Variants in LMF1 observed in about 807,000 individuals in gnomAD.
LMF1 encodes the protein transmembrane protein 112.
A neutral mutation model predicts 60.6 loss-of-function variants in LMF1; 68 were observed. The ratio of observed to expected loss-of-function variants is 1.12; its 90% CI spans 0.92 to 1.37. The LOEUF (loss-of-function observed/expected upper bound fraction) is 1.37, where lower values mean the gene tolerates loss of function less well. Among genes scored for constraint, LMF1 ranks in the 40% most tolerant of loss-of-function variants. LMF1 has a pLI of 0.00. For missense variants in LMF1, 948 were observed against 767.2 expected (o/e 1.24, Z -2.78); for synonymous variants, 418 against 324.7 (o/e 1.29, Z -3.09).
At chr16:865,058 T>C (rs2069574601) in intron 10 of LMF1, among the ~76,000 whole-genome samples, 1 of 152,250 alleles carries the variant, frequency 6.6e-6, no homozygotes, top group Non-Finnish European at 1.5e-5. Flanking sequence ...TGTAAGTGTT[T>C]TAGAATTCCA....
rs1041199329 is a variant in LMF1 at position 897,462 on chromosome 16, G to T, written c.664-4390C>A. Among the ~76,000 whole-genome samples the T allele has an allele frequency of 1.3e-5, 2 of 152,170 alleles. No homozygotes were observed. Among genetic ancestry groups the T allele is most frequent in the Non-Finnish European group, 2.9e-5 (2 of 68,030 alleles). ...CCTCCTCCATCCTTCTGGCGTTAGG[G>T]TCCCCTCGCCTGTATCAGTGGCCCT... On this transcript the variant is annotated intron_variant, in intron 4 of 10. Coordinates refer to ENST00000262301, the MANE Select transcript of LMF1 (RefSeq NM_022773.4). The surrounding 1 kb of genome is among the most constrained non-coding windows in gnomAD (Gnocchi z 4.3).
At chr16:893,476 G>A in intron 4 of LMF1, 3 of 446,818 alleles carry the variant, frequency 6.7e-6, no homozygotes, top group South Asian at 4.7e-5. Context: ...GCCCAAAGTC[G>A]GAGGGAGCAC....
At position 945,991 on chromosome 16, in the gene LMF1, T is replaced by C. The variant is rs1405192529; in HGVS notation, c.503+8366A>G. On this transcript the variant is annotated intron_variant, in intron 2 of 10. Coordinates refer to ENST00000262301, the MANE Select transcript of LMF1 (RefSeq NM_022773.4). Reference sequence around the variant, plus strand: ...TGTTTCTCTTGTTATGCAGCAATGATAGGAAACCCTCTGGAAACAGCTGAC... The same window carrying C: ...TGTTTCTCTTGTTATGCAGCAATGACAGGAAACCCTCTGGAAACAGCTGAC... Among the ~76,000 whole-genome samples the C allele has an allele frequency of 2.6e-5, 4 of 152,178 alleles. No homozygotes were observed. The East Asian group carries it at 7.7e-4, about 29-fold the overall frequency.
At chr16:855,007 G>T in intron 10 of LMF1, 1 of 496,856 alleles carries the variant, frequency 2.0e-6, no homozygotes, top group South Asian at 2.1e-5. Flanking sequence ...GGAAGGCCAG[G>T]AGCTTCACGG....
rs1199478526 is a variant in LMF1 at position 879,591 on chromosome 16, C to T, written c.876G>A (p.Gly292=). The T allele has an allele frequency of 2.5e-6, 4 of 1,613,018 alleles. No homozygotes were observed. The highest frequency in any genetic ancestry group is 2.7e-5 in the African/African-American group (2 of 74,926). The change falls in exon 6 of 11, where the codon GGG becomes GGA. Residue 292 remains glycine (G), a synonymous_variant. Transcript: ENST00000262301. ...FLGRRACIIH[G]VLQILFQAVL... ...TCACCTGGAACAGGATCTGCAGCAC[C>T]CCGTGGATGATGCACGCCCGCCGGC...
At chr16:858,616 TGGTGTCTCGG>T in intron 10 of LMF1, among the ~76,000 whole-genome samples, 1 of 67,790 alleles carries the variant, frequency 1.5e-5, no homozygotes, top group African/African-American at 8.1e-5. Context: ...GGGTGTGCAG[TGGTGTCTCGG>T]GACGGGTGTG....
chr16:932,239 A>G (rs949567800), intron 3 of LMF1, among the ~76,000 whole-genome samples: 4 of 151,690 alleles, frequency 2.6e-5, no homozygotes, highest in Admixed American at 6.6e-5. Flanking sequence ...GGGCACGGGG[A>G]GGGTGGGCTC....
chr16:855,662 G>C (rs2069165488), intron 10 of LMF1: 1 of 454,886 alleles, frequency 2.2e-6, no homozygotes. Context: ...GCCTGGCTGG[G>C]ATCCATGGCA....
chr16:916,836 AC>A (rs1302999535), intron 3 of LMF1, among the ~76,000 whole-genome samples: 8 of 152,196 alleles, frequency 5.3e-5, no homozygotes, highest in Non-Finnish European at 1.2e-4. Context: ...TGTCAGGAAC[AC>A]CCCTCTCCTG....
intron 3 of LMF1, among the ~76,000 whole-genome samples, chr16:911,535 G>C (rs547631898): frequency 2.9e-5 from 3 of 105,084 alleles, no homozygotes; most frequent in Admixed American, 2.0e-4. Context: ...GGCAGCACTG[G>C]GGGGGCAGCA....
intron 3 of LMF1, chr16:931,767 GAC>G: frequency 7.8e-7 from 1 of 1,287,214 alleles, no homozygotes; most frequent in South Asian, 1.2e-5. Flanking sequence ...ATTTCTGCGC[GAC>G]AGTCCAAAGT....
At chr16:927,398 G>C (rs115982260) in intron 3 of LMF1, among the ~76,000 whole-genome samples, 23 of 152,360 alleles carry the variant, frequency 1.5e-4, no homozygotes, top group African/African-American at 5.5e-4. Context: ...TCTACAGGAT[G>C]CTTCTCCCCC....
At chr16:979,301 C>T in intron 1 of LMF1, 1 of 358,898 alleles carries the variant, frequency 2.8e-6, no homozygotes, top group South Asian at 2.1e-5. Context: ...GGGCACCACT[C>T]TGCATGGGGA....
chr16:879,474 T>A, intron 6 of LMF1, 96 bp downstream of exon 6: 1 of 1,402,398 alleles, frequency 7.1e-7, no homozygotes, highest in Non-Finnish European at 9.7e-7. Context: ...GGGCCTGTAA[T>A]GCCCCAGGGT....
At chr16:944,834 T>C (rs1301878189) in intron 2 of LMF1, among the ~76,000 whole-genome samples, 2 of 152,164 alleles carry the variant, frequency 1.3e-5, no homozygotes, top group Admixed American at 6.5e-5. Flanking sequence ...CTCGTCTCAA[T>C]TGTCATCCCT....
intron 10 of LMF1, among the ~76,000 whole-genome samples, chr16:856,549 T>C (rs2069189384): frequency 6.6e-6 from 1 of 152,182 alleles, no homozygotes; most frequent in African/African-American, 2.4e-5. Flanking sequence ...TGCCCATCTT[T>C]CCCAAATTCC....
chr16:920,427 G>A (rs944309696), intron 3 of LMF1, among the ~76,000 whole-genome samples: 5 of 152,246 alleles, frequency 3.3e-5, no homozygotes, highest in African/African-American at 1.2e-4. Flanking sequence ...GGAAGGCCAG[G>A]CCCACTCCAG....
intron 3 of LMF1, among the ~76,000 whole-genome samples, chr16:919,608 C>T (rs1381211830): frequency 6.6e-6 from 1 of 152,182 alleles, no homozygotes; most frequent in African/African-American, 2.4e-5. Context: ...GCGTCTGGAC[C>T]GCAGTCTCAT....
intron 5 of LMF1, among the ~76,000 whole-genome samples, chr16:886,379 C>T (rs1481589733): frequency 6.6e-6 from 1 of 152,148 alleles, no homozygotes; most frequent in African/African-American, 2.4e-5. Context: ...GCGGGAAATC[C>T]AGGCCCACGG....
Sources: gnomAD v4.1 joint callset for allele counts (sites outside exome capture counted in the v4.1 genomes callset) on GRCh38, gnomAD v4.1.1 for gene constraint, Gnocchi (gnomAD v3.1) non-coding constraint, MANE v1.5 for transcripts, NCBI Gene and HGNC (gene_info 2026-07-23, HGNC 2026-07-21) for gene names.